ZNF618: variants seen among roughly 807,000 people sequenced by gnomAD.
ZNF618 encodes the protein neural precursor cell expressed, developmentally down-regulated 10.
In ZNF618, 34 loss-of-function variants were observed where a neutral mutation model predicts 103.0. That is an observed-to-expected ratio of 0.33 (90% CI 0.25 to 0.44). The LOEUF is 0.44. ZNF618 is among the 20% of genes least tolerant of loss of function. ZNF618 has a pLI of 1.00. For synonymous variants in ZNF618, 551 were observed against 542.2 expected (o/e 1.02, Z -0.23); for missense variants, 1,059 against 1,295.4 (o/e 0.82, Z 2.80).
At chr9:113,958,995 A>G (rs942542713) in intron 1 of ZNF618, among the ~76,000 whole-genome samples, 2 of 152,252 alleles carry the variant, frequency 1.3e-5, no homozygotes, top group South Asian at 4.1e-4. Flanking sequence ...CTTCAACATA[A>G]AAAGTGTTTT....
chr9:113,912,804 C>A (rs939798697), intron 1 of ZNF618, among the ~76,000 whole-genome samples: 2 of 152,116 alleles, frequency 1.3e-5, no homozygotes, highest in African/African-American at 2.4e-5. Flanking sequence ...GATCCCACCC[C>A]CCTTGGCCTC....
At chr9:113,988,135 AAGCCTCAGGGTTCCCTGGAAG>A (rs1437095977) in intron 2 of ZNF618, among the ~76,000 whole-genome samples, 165 bp from the exon 3 acceptor site, 1 of 152,164 alleles carries the variant, frequency 6.6e-6, no homozygotes, top group Non-Finnish European at 1.5e-5. Context: ...GTGTTCCTTG[AAGCCTCAGGGTTCCCTGGAAG>A]AGCCTCAGGG....
At chr9:113,883,756 T>A (rs932750817) in intron 1 of ZNF618, among the ~76,000 whole-genome samples, 7 of 152,238 alleles carry the variant, frequency 4.6e-5, no homozygotes, top group African/African-American at 1.7e-4. Flanking sequence ...AGTGTTCATA[T>A]TCCCACGTTT....
intron 2 of ZNF618, among the ~76,000 whole-genome samples, chr9:113,973,197 C>T (rs1838153281): frequency 1.3e-5 from 2 of 152,150 alleles, no homozygotes; most frequent in East Asian, 3.8e-4. Flanking sequence ...CTCATTTAAT[C>T]CTTCTTCAGA....
intron 10 of ZNF618, among the ~76,000 whole-genome samples, chr9:114,018,728 C>G (rs1842835834): frequency 6.6e-6 from 1 of 152,162 alleles, no homozygotes; most frequent in African/African-American, 2.4e-5. Context: ...TTTCTGTGTT[C>G]CTCACTTTCT....
chr9:113,985,475 T>C (rs1421017878), intron 2 of ZNF618, among the ~76,000 whole-genome samples: 1 of 152,246 alleles, frequency 6.6e-6, no homozygotes, highest in Non-Finnish European at 1.5e-5. Flanking sequence ...ACTTGAGACT[T>C]CTTTGCCTTG....
At chr9:114,036,404 C>A (rs768051001) in intron 13 of ZNF618, 27 bp downstream of exon 13, 5 of 1,555,382 alleles carry the variant, frequency 3.2e-6, no homozygotes, top group Admixed American at 1.9e-5. Context: ...TTCTCTCCCC[C>A]TCTCCTTCCT....
At chr9:113,951,442 C>CAT (rs1554732869) in intron 1 of ZNF618, among the ~76,000 whole-genome samples, 7 of 49,266 alleles carry the variant, frequency 1.4e-4, no homozygotes, top group East Asian at 7.8e-4. Flanking sequence ...TATATATATA[C>CAT]ATATATGTGT....
intron 1 of ZNF618, among the ~76,000 whole-genome samples, chr9:113,878,185 CA>C (rs11459008): frequency 1.5e-4 from 22 of 145,510 alleles, no homozygotes; most frequent in African/African-American, 4.8e-4. Flanking sequence ...GGTTTGTGAC[CA>C]AAAAAAAAAA....
At chr9:113,928,773 G>A (rs1047724398) in intron 1 of ZNF618, among the ~76,000 whole-genome samples, 2 of 152,172 alleles carry the variant, frequency 1.3e-5, no homozygotes, top group African/African-American at 4.8e-5. Context: ...ATGTGGTTAA[G>A]TATTAGGGAG....
intron 6 of ZNF618, among the ~76,000 whole-genome samples, chr9:114,007,077 G>A (rs1239632555): frequency 2.0e-5 from 3 of 152,214 alleles, no homozygotes; most frequent in African/African-American, 7.2e-5. Context: ...AGACTCACAG[G>A]GAAGGGGTGA....
intron 4 of ZNF618, among the ~76,000 whole-genome samples, chr9:113,998,728 G>A (rs10982026): frequency 1.3e-5 from 2 of 152,152 alleles, no homozygotes; most frequent in East Asian, 1.9e-4. Context: ...GCAGGACTTC[G>A]CAGGGCCTGC....
chr9:113,920,742 G>C (rs1564171966), intron 1 of ZNF618, among the ~76,000 whole-genome samples: 1 of 152,166 alleles, frequency 6.6e-6, no homozygotes, highest in Non-Finnish European at 1.5e-5. Flanking sequence ...ATAAGGTGGT[G>C]GTAAGGATTA....
At chr9:114,009,951 T>A (rs1047085334) in intron 9 of ZNF618, among the ~76,000 whole-genome samples, 3 of 152,180 alleles carry the variant, frequency 2.0e-5, no homozygotes, top group African/African-American at 7.2e-5. Context: ...TATAAAGTGG[T>A]CAGCACAGTG....
In ZNF618 at chr9:113,896,404, A is replaced by G. The variant is rs189314604; in HGVS notation, c.33+19991A>G. Among the ~76,000 whole-genome samples the G allele has an allele frequency of 8.0e-4, 122 of 152,156 alleles. 1 individual carries two copies. Among genetic ancestry groups the G allele is most frequent in the Admixed American group, 1.2e-3 (18 of 15,290 alleles). Reference sequence around the variant, plus strand: ...TAAATTTCTGTGTTACTCCTTTTCAATAAGTGCTTATTTTTATTCATTTTT... The same window carrying G: ...TAAATTTCTGTGTTACTCCTTTTCAGTAAGTGCTTATTTTTATTCATTTTT... On this transcript the variant is annotated intron_variant, in intron 1 of 14. Transcript: ENST00000374126.
chr9:113,956,376 A>ACATG lies in ZNF618; in HGVS notation c.34-12740_34-12737dup, dbSNP rs1334376993. 1.8e-4 allele frequency among the ~76,000 whole-genome samples: 27 copies of ACATG among 152,264 alleles called. 1 individual carries two copies. Among genetic ancestry groups the ACATG allele is most frequent in the Admixed American group, 1.8e-3 (27 of 15,288 alleles). ...CTGTGACCTCAGAATCTTTCTCAAC[A>ACATG]CATGGTCCCAGGCAGCCACTACTAA... On this transcript the variant is annotated intron_variant, in intron 1 of 14. Transcript: ENST00000374126.
chr9:114,016,466 A>G (rs1842656992), intron 9 of ZNF618, among the ~76,000 whole-genome samples: 1 of 152,162 alleles, frequency 6.6e-6, no homozygotes, highest in South Asian at 2.1e-4. Flanking sequence ...CCTCCGTTTT[A>G]TAGATAGGAA....
At chr9:113,933,035 G>C in intron 1 of ZNF618, among the ~76,000 whole-genome samples, 1 of 152,298 alleles carries the variant, frequency 6.6e-6, no homozygotes, top group Non-Finnish European at 1.5e-5. Flanking sequence ...GTGGGAAGAT[G>C]CCAGAGGGGT....
intron 1 of ZNF618, among the ~76,000 whole-genome samples, chr9:113,897,997 T>G (rs1830187779): frequency 6.6e-6 from 1 of 152,188 alleles, no homozygotes; most frequent in Non-Finnish European, 1.5e-5. Flanking sequence ...TTTTCCATGT[T>G]GGGCAGGCTG....
Sources: gnomAD v4.1 joint callset for allele counts (sites outside exome capture counted in the v4.1 genomes callset) on GRCh38, gnomAD v4.1.1 for gene constraint, MANE v1.5 for transcripts, NCBI Gene and HGNC (gene_info 2026-07-23, HGNC 2026-07-21) for gene names.